The following DLGAP1 variants were observed in gnomAD, a reference collection of about 807,000 sequenced individuals.
DLGAP1 encodes disks large-associated protein 1.
A neutral mutation model predicts 90.8 loss-of-function variants in DLGAP1; 11 were observed. The ratio of observed to expected loss-of-function variants is 0.12; its 90% confidence interval spans 0.08 to 0.20. The LOEUF (loss-of-function observed/expected upper bound fraction) is 0.20, where lower values mean the gene tolerates loss of function less well. Ranked by LOEUF, DLGAP1 falls within the 10% of genes least tolerant of loss-of-function variation. The probability of loss-of-function intolerance (pLI) is 1.00; values close to 1 mark genes in which losing one functional copy is unlikely to be tolerated. For synonymous variants in DLGAP1, 558 were observed against 540.7 expected (o/e 1.03, Z -0.44); for missense variants, 1,050 against 1,333.8 (o/e 0.79, Z 3.31).
intron 4 of DLGAP1, among the ~76,000 whole-genome samples, chr18:3,848,153 A>AAAAAT (rs2069124892): frequency 7.9e-6 from 1 of 126,172 alleles, no homozygotes; most frequent in East Asian, 2.4e-4. Context: ...AAAAAAAAAA[A>AAAAAT]AAAAAGCCAA....
chr18:3,745,700 A>T (rs1287930380), intron 5 of DLGAP1, among the ~76,000 whole-genome samples: 1 of 152,042 alleles, frequency 6.6e-6, no homozygotes, highest in East Asian at 1.9e-4. Context: ...ATTTTTATTT[A>T]TTTTTTTGAG....
chr18:4,035,366 A>G (rs2074871863), intron 2 of DLGAP1, among the ~76,000 whole-genome samples: 2 of 152,274 alleles, frequency 1.3e-5, no homozygotes, highest in Middle Eastern at 3.4e-3. Context: ...AAACAACAAC[A>G]AAAACAAAAA....
chr18:4,070,306 T>A (rs76596108), intron 2 of DLGAP1, among the ~76,000 whole-genome samples: 1 of 152,134 alleles, frequency 6.6e-6, no homozygotes, highest in East Asian at 1.9e-4. Context: ...TCTACCCAAC[T>A]TTTTTCACAA....
intron 4 of DLGAP1, chr18:3,874,421 G>A: frequency 7.0e-7 from 1 of 1,436,970 alleles, no homozygotes; most frequent in Non-Finnish European, 9.1e-7. Context: ...GTTAACAGTT[G>A]GAAATCTAAA....
intron 1 of DLGAP1, among the ~76,000 whole-genome samples, chr18:4,444,574 T>G (rs1598432174): frequency 6.6e-6 from 1 of 152,336 alleles, no homozygotes; most frequent in East Asian, 1.9e-4. Flanking sequence ...CTTAAACTTG[T>G]TCAGCAAGTT....
At chr18:4,059,115 G>A (rs2075264375) in intron 2 of DLGAP1, among the ~76,000 whole-genome samples, 1 of 152,116 alleles carries the variant, frequency 6.6e-6, no homozygotes, top group Non-Finnish European at 1.5e-5. Context: ...GGATGAATAG[G>A]GGGCCCTCTG....
intron 1 of DLGAP1, among the ~76,000 whole-genome samples, chr18:4,215,322 C>T (rs2144920636): frequency 6.6e-6 from 1 of 152,234 alleles, no homozygotes; most frequent in East Asian, 1.9e-4. Flanking sequence ...TTTTATGCAG[C>T]ACTTATGTTG....
At chr18:4,123,952 A>C (rs911602777) in intron 2 of DLGAP1, among the ~76,000 whole-genome samples, 5 of 152,224 alleles carry the variant, frequency 3.3e-5, no homozygotes, top group African/African-American at 1.2e-4. Context: ...TCTTAAAAGC[A>C]GAAGGTGAAA....
At chr18:3,990,564 C>A (rs1160780791) in intron 3 of DLGAP1, among the ~76,000 whole-genome samples, 1 of 150,730 alleles carries the variant, frequency 6.6e-6, no homozygotes, top group Non-Finnish European at 1.5e-5. Context: ...AACACACCAA[C>A]ATGGCACATG....
chr18:3,546,783 C>G (rs1232550977), intron 9 of DLGAP1, among the ~76,000 whole-genome samples: 2 of 151,944 alleles, frequency 1.3e-5, no homozygotes, highest in Non-Finnish European at 2.9e-5. Flanking sequence ...GGTTTCAAAT[C>G]AATGCTCAGC....
intron 1 of DLGAP1, among the ~76,000 whole-genome samples, chr18:4,302,703 A>T (rs1335013475): frequency 6.6e-6 from 1 of 152,082 alleles, no homozygotes; most frequent in African/African-American, 2.4e-5. Context: ...TTATTTGGGA[A>T]TTTTTGTGGT....
chr18:4,072,078 C>G (rs1412669903), intron 2 of DLGAP1, among the ~76,000 whole-genome samples: 1 of 152,134 alleles, frequency 6.6e-6, no homozygotes, highest in Non-Finnish European at 1.5e-5. Flanking sequence ...CTGTGTGTGT[C>G]TGTGTTGGAG....
intron 2 of DLGAP1, among the ~76,000 whole-genome samples, chr18:4,045,465 A>AAAAAAAAAAAAAG (rs2075038289): frequency 9.2e-5 from 12 of 130,268 alleles, no homozygotes; most frequent in African/African-American, 3.4e-4. Flanking sequence ...AAAAAAAAAA[A>AAAAAAAAAAAAAG]GCTTGCCCCT....
chr18:3,776,990 A>G (rs1285099709), intron 5 of DLGAP1, among the ~76,000 whole-genome samples: 1 of 144,688 alleles, frequency 6.9e-6, no homozygotes, highest in East Asian at 2.0e-4. Flanking sequence ...ACAGGGTCTC[A>G]CTATGTTGCC....
intron 1 of DLGAP1, among the ~76,000 whole-genome samples, chr18:4,415,309 A>C (rs1304763910): frequency 1.3e-5 from 2 of 152,188 alleles, no homozygotes; most frequent in Non-Finnish European, 2.9e-5. Context: ...AGTATCTTAA[A>C]ATCTGAGTCA....
chr18:4,274,428 G>T (rs931152420), intron 1 of DLGAP1, among the ~76,000 whole-genome samples: 8 of 151,992 alleles, frequency 5.3e-5, no homozygotes, highest in African/African-American at 1.9e-4. Context: ...TTATGGACTA[G>T]TATATGGTCC....
At chr18:4,225,192 A>C (rs1404346616) in intron 1 of DLGAP1, among the ~76,000 whole-genome samples, 2 of 152,114 alleles carry the variant, frequency 1.3e-5, no homozygotes, top group African/African-American at 4.8e-5. Context: ...TCAGATCTTC[A>C]AGCCTCTATG....
intron 3 of DLGAP1, among the ~76,000 whole-genome samples, chr18:3,922,126 G>A (rs771703814): frequency 6.6e-6 from 1 of 152,170 alleles, no homozygotes; most frequent in African/African-American, 2.4e-5. Flanking sequence ...TAGGAAATGT[G>A]AGATCAAGAC....
intron 8 of DLGAP1, among the ~76,000 whole-genome samples, chr18:3,573,244 G>C (rs1243262550): frequency 1.3e-5 from 2 of 152,160 alleles, no homozygotes; most frequent in Non-Finnish European, 2.9e-5. Context: ...GTTCACACCT[G>C]TAATCCCAGC....
Sources: allele counts gnomAD v4.1 joint callset (sites outside exome capture counted in the v4.1 genomes callset), GRCh38; gene constraint gnomAD v4.1.1; transcripts MANE v1.5; gene names NCBI Gene and HGNC (gene_info 2026-07-23, HGNC 2026-07-21).